The following PHACTR2 variants were observed in gnomAD, a reference collection of about 807,000 sequenced individuals.
PHACTR2 encodes the protein chromosome 6 open reading frame 56.
In PHACTR2, 30 loss-of-function variants were observed where a neutral mutation model predicts 76.0. The observed-to-expected ratio is 0.39, with a 90% confidence interval of 0.30 to 0.54. The LOEUF (loss-of-function observed/expected upper bound fraction) is 0.54, where lower values mean the gene tolerates loss of function less well. Ranked by LOEUF, PHACTR2 falls within the 20% of genes least tolerant of loss-of-function variation. The probability of loss-of-function intolerance (pLI) is 0.61; values close to 1 mark genes in which losing one functional copy is unlikely to be tolerated. For missense variants in PHACTR2, 696 were observed against 781.1 expected (o/e 0.89, Z 1.30); for synonymous variants, 292 against 292.5 (o/e 1.00, Z 0.02).
intron 1 of PHACTR2, among the ~76,000 whole-genome samples, chr6:143,540,828 ACT>A (rs1449006774): frequency 1.3e-5 from 2 of 152,024 alleles, no homozygotes; most frequent in Non-Finnish European, 2.9e-5. Context: ...TTATGAATAA[ACT>A]CTTTTATTAT....
chr6:143,789,656 C>T lies in PHACTR2; in HGVS notation c.1845+746C>T, dbSNP rs1036866280. Among the ~76,000 whole-genome samples the T allele has an allele frequency of 6.6e-6, 1 of 152,174 alleles. No individual in the cohort carries two copies. The highest frequency in any genetic ancestry group is 2.4e-5 in the African/African-American group (1 of 41,432). ...AGCAAAATCTGGTATTGAATAAACTCGTGCTATACCCAGTTTTTTTTAATC... is the reference window on the plus strand; with the variant it reads ...AGCAAAATCTGGTATTGAATAAACTTGTGCTATACCCAGTTTTTTTTAATC... On this transcript the variant is annotated intron_variant, in intron 11 of 12. Coordinates refer to ENST00000440869, the MANE Select transcript of PHACTR2 (RefSeq NM_001100164.2). This position sits in a 1 kb window ranked among gnomAD's most constrained non-coding sequence, Gnocchi z 5.1.
chr6:143,696,734 A>T lies in PHACTR2; in HGVS notation c.47-15282A>T, dbSNP rs540005983. Among the ~76,000 whole-genome samples, 4 of 152,312 alleles carry T rather than the reference A, an allele frequency of 2.6e-5. No individual in the cohort carries two copies. Among genetic ancestry groups the T allele is most frequent in the African/African-American group, 7.2e-5 (3 of 41,556 alleles). Reference sequence around the variant, plus strand: ...GCATACGCAAAGTCATATCAGGGTGACACATAGCTAAAGAGTTAAACAAAA... The same window carrying T: ...GCATACGCAAAGTCATATCAGGGTGTCACATAGCTAAAGAGTTAAACAAAA... On this transcript the variant is annotated intron_variant, in intron 1 of 12. Transcript: ENST00000440869. This position sits in a 1 kb window ranked among gnomAD's most constrained non-coding sequence, Gnocchi z 4.1.
rs1779265507 is a variant in PHACTR2 at position 143,754,835 on chromosome 6, G to T, written c.454+923G>T. On this transcript the variant is annotated intron_variant, in intron 4 of 12. Transcript: ENST00000440869. This position sits in a 1 kb window ranked among gnomAD's most constrained non-coding sequence, Gnocchi z 6.2. ...TCTCTAAGTTGAATGGTAAAATTTT[G>T]TCAAACCTAGTGTGTGTTCTGTGGG... Among the ~76,000 whole-genome samples, 1 of 152,088 alleles carries T rather than the reference G, an allele frequency of 6.6e-6. No individual in the cohort carries two copies. Among genetic ancestry groups the T allele is most frequent in the East Asian group, 1.9e-4 (1 of 5,196 alleles).
chr6:143,715,077 A>C (rs12662850), intron 2 of PHACTR2, among the ~76,000 whole-genome samples: 15,772 of 152,004 alleles, frequency 0.1, 904 homozygotes, highest in South Asian at 0.17. Context: ...CCACATTCTC[A>C]TTCCTTTTCC....
At chr6:143,707,098 A>G (rs923558263) in intron 1 of PHACTR2, among the ~76,000 whole-genome samples, 2 of 152,252 alleles carry the variant, frequency 1.3e-5, no homozygotes, top group African/African-American at 4.8e-5. Context: ...TGACAGAATT[A>G]TAATGGAAAT....
intron 1 of PHACTR2, among the ~76,000 whole-genome samples, chr6:143,577,453 G>A (rs528897077): frequency 3.3e-4 from 50 of 152,278 alleles, no homozygotes; most frequent in African/African-American, 1.1e-3. Context: ...ACATTAAATA[G>A]TATTAAAGAT....
At chr6:143,649,531 G>C (rs1287861818) in intron 1 of PHACTR2, among the ~76,000 whole-genome samples, 1 of 152,140 alleles carries the variant, frequency 6.6e-6, no homozygotes, top group African/African-American at 2.4e-5. Context: ...TGCAAGGTTG[G>C]TTCAACATAT....
chr6:143,736,554 ATTTTTTTTTTTTTTTTTTTTTTTT>A (rs776969170), intron 2 of PHACTR2, among the ~76,000 whole-genome samples: 11 of 56,948 alleles, frequency 1.9e-4, no homozygotes, highest in African/African-American at 4.6e-4. Context: ...ACCCTTTACA[ATTTTTTTTTTTTTTTTTTTTTTTT>A]TTTTTTTTTT....
rs962267703 is a variant in PHACTR2, at chr6:143,739,292, T to A, written c.215-9693T>A. On this transcript the variant is annotated intron_variant, in intron 2 of 12. Coordinates refer to ENST00000440869, the MANE Select transcript of PHACTR2 (RefSeq NM_001100164.2). The surrounding 1 kb of genome is among the most constrained non-coding windows in gnomAD (Gnocchi z 4.3). ...GTTAGCCAGGATGGTCTCGATCTGC[T>A]GACCTCATGATCCACCAGCCTCGGC... is the stretch of plus-strand genomic sequence containing the variant. 7.9e-5 allele frequency among the ~76,000 whole-genome samples: 12 copies of A among 152,216 alleles called. No homozygotes were observed. Among genetic ancestry groups the A allele is most frequent in the Non-Finnish European group, 1.8e-4 (12 of 68,040 alleles).
intron 12 of PHACTR2, among the ~76,000 whole-genome samples, chr6:143,808,162 C>G (rs929833836): frequency 6.9e-6 from 1 of 144,634 alleles, no homozygotes; most frequent in Non-Finnish European, 1.5e-5. Flanking sequence ...CAGAGTCTTG[C>G]TCTGTCACCC....
In PHACTR2 at chr6:143,829,188, C is replaced by A. The variant is rs910109975; in HGVS notation, c.*5499C>A. 2.4e-4 allele frequency: 17 copies of A among 71,708 alleles called. No individual in the cohort carries two copies. The highest frequency in any genetic ancestry group is 9.7e-4 in the African/African-American group (17 of 17,516). The allele number at this position is 71,708 out of a possible 1,614,324, so 4.4% of individuals were successfully genotyped here. On this transcript the variant is annotated 3_prime_UTR_variant, in exon 13 of 13. Transcript: ENST00000440869. Reference sequence around the variant, plus strand: ...AAGGAGAGATCATACATGAAGAAAGCTTTTTTTTTTTTTTTTTTTTTTGCC... The same window carrying A: ...AAGGAGAGATCATACATGAAGAAAGATTTTTTTTTTTTTTTTTTTTTTGCC...
Position 143,809,521 on chromosome 6 carries a change from A to G in PHACTR2, c.1922+2388A>G, listed in dbSNP as rs1776133034. Among the ~76,000 whole-genome samples, 1 of 152,026 alleles carries G rather than the reference A, an allele frequency of 6.6e-6. No homozygotes were observed. The highest frequency in any genetic ancestry group is 2.1e-4 in the South Asian group (1 of 4,838). On this transcript the variant is annotated intron_variant, in intron 12 of 12. Transcript: ENST00000440869. The surrounding 1 kb of genome is among the most constrained non-coding windows in gnomAD (Gnocchi z 4.2). ...CCACTGCACCTGGCTTCTTTTTTATATATGTATTTGTATGTACAAAAATAA... is the reference window on the plus strand; with the variant it reads ...CCACTGCACCTGGCTTCTTTTTTATGTATGTATTTGTATGTACAAAAATAA...
intron 1 of PHACTR2, among the ~76,000 whole-genome samples, chr6:143,690,597 C>T (rs1332688480): frequency 6.6e-6 from 1 of 152,206 alleles, no homozygotes; most frequent in Non-Finnish European, 1.5e-5. Flanking sequence ...TGCACAAACA[C>T]TGCCATCCCT....
chr6:143,566,758 A>G (rs1775368871), intron 1 of PHACTR2, among the ~76,000 whole-genome samples: 1 of 151,884 alleles, frequency 6.6e-6, no homozygotes, highest in Admixed American at 6.6e-5. Flanking sequence ...GAATATTTTT[A>G]AATGAATTCC....
chr6:143,745,956 A>T (rs1779055893), intron 2 of PHACTR2, among the ~76,000 whole-genome samples: 1 of 152,218 alleles, frequency 6.6e-6, no homozygotes, highest in Non-Finnish European at 1.5e-5. Flanking sequence ...CAAGGAAGAA[A>T]GGGGGAATTT....
At chr6:143,781,190 C>T (rs1272139895) in intron 9 of PHACTR2, among the ~76,000 whole-genome samples, 1 of 152,198 alleles carries the variant, frequency 6.6e-6, no homozygotes, top group Non-Finnish European at 1.5e-5. Flanking sequence ...TCTAACTTCA[C>T]TAAAAGTACA....
In PHACTR2 at chr6:143,719,349, CTTT is replaced by C. The variant is rs34643788; in HGVS notation, c.214+7185_214+7187del. Among the ~76,000 whole-genome samples the C allele has an allele frequency of 4.7e-3, 411 of 86,878 alleles. 1 individual carries two copies. Among genetic ancestry groups the C allele is most frequent in the Non-Finnish European group, 6.7e-3 (309 of 45,836 alleles). The allele number at this position is 86,878 out of a possible 152,430, so 57.0% of individuals were successfully genotyped here. A position where few individuals can be genotyped will look rare whatever the true frequency, so the allele number is the denominator to read the frequency against. On this transcript the variant is annotated intron_variant, in intron 2 of 12. Transcript: ENST00000440869. ...GCTTCTTGCTTTGTGTTCGACACTT[CTTT>C]TTTTTTTTTTTTTTTTTTGAGACAG...
chr6:143,540,296 G>A (rs1781160658), intron 1 of PHACTR2, among the ~76,000 whole-genome samples: 1 of 152,174 alleles, frequency 6.6e-6, no homozygotes, highest in Admixed American at 6.5e-5. Context: ...CTGAAATGGA[G>A]AAGAGGAAGG....
rs972213992 is a variant in PHACTR2 at position 143,825,897 on chromosome 6, C to A, written c.*2208C>A. 2 of 151,730 alleles carry A rather than the reference C, an allele frequency of 1.3e-5. No individual in the cohort carries two copies. The highest frequency in any genetic ancestry group is 2.9e-5 in the Non-Finnish European group (2 of 67,944). 9.4% of individuals were successfully genotyped at this position (151,730 alleles called of 1,614,324 possible). A position where few individuals can be genotyped will look rare whatever the true frequency, so the allele number is the denominator to read the frequency against. ...ATGCCTGTGATGCAATTTTTTATTG[C>A]CTACAATGAGATACACTTAGTACAA... is the stretch of plus-strand genomic sequence containing the variant. On this transcript the variant is annotated 3_prime_UTR_variant, in exon 13 of 13. Transcript: ENST00000440869. The surrounding 1 kb of genome is among the most constrained non-coding windows in gnomAD (Gnocchi z 4.1).
Sources: gnomAD v4.1 joint callset for allele counts (sites outside exome capture counted in the v4.1 genomes callset) on GRCh38, gnomAD v4.1.1 for gene constraint, Gnocchi (gnomAD v3.1) non-coding constraint, MANE v1.5 for transcripts, NCBI Gene and HGNC (gene_info 2026-07-23, HGNC 2026-07-21) for gene names.